LARGE1: variants seen among roughly 807,000 people sequenced by gnomAD.
LARGE1 encodes the protein LARGE xylosyl- and glucuronyltransferase 1.
LARGE1 carries 43 observed loss-of-function variants against 87.6 expected under a neutral mutation model. That is an observed-to-expected ratio of 0.49 (90% CI 0.38 to 0.63). The LOEUF (loss-of-function observed/expected upper bound fraction) is 0.63, where lower values mean the gene tolerates loss of function less well. Ranked by LOEUF, LARGE1 falls within the 30% of genes least tolerant of loss-of-function variation. The pLI is 0.00. For synonymous variants in LARGE1, 434 were observed against 394.6 expected, an observed-to-expected ratio of 1.10 and a Z score of -1.18; for missense variants, 802 against 1,000.2, an observed-to-expected ratio of 0.80 and a Z score of 2.67.
intron 1 of LARGE1, among the ~76,000 whole-genome samples, chr22:33,800,464 A>T (rs1265325022): frequency 3.3e-5 from 5 of 152,204 alleles, no homozygotes; most frequent in African/African-American, 1.2e-4. Context: ...ATATTATCAC[A>T]TGTACAGATT....
chr22:33,567,422 T>C (rs890583260), intron 5 of LARGE1, among the ~76,000 whole-genome samples: 1 of 152,126 alleles, frequency 6.6e-6, no homozygotes, highest in Non-Finnish European at 1.5e-5. Context: ...AGTGCCTCTT[T>C]TGGTGCTTCC....
chr22:33,379,675 C>T (rs550294328), intron 9 of LARGE1, among the ~76,000 whole-genome samples: 1 of 152,212 alleles, frequency 6.6e-6, no homozygotes, highest in African/African-American at 2.4e-5. Context: ...AAGCTGGAAA[C>T]CATCATTCTG....
chr22:33,906,117 G>A (rs903089509), intron 1 of LARGE1, among the ~76,000 whole-genome samples: 1 of 152,022 alleles, frequency 6.6e-6, no homozygotes, highest in Non-Finnish European at 1.5e-5. Flanking sequence ...GCAACGGAGC[G>A]AGACTCTGTC....
At chr22:33,910,447 A>G (rs1487829377) in intron 1 of LARGE1, among the ~76,000 whole-genome samples, 1 of 152,140 alleles carries the variant, frequency 6.6e-6, no homozygotes, top group Non-Finnish European at 1.5e-5. Context: ...CCCATCTCCT[A>G]ATCACTAAGA....
At chr22:33,384,135 G>T in intron 8 of LARGE1, 57 bp downstream of exon 8, 1 of 1,212,370 alleles carries the variant, frequency 8.2e-7, no homozygotes, top group Non-Finnish European at 1.2e-6. Flanking sequence ...AAGTTTCTTT[G>T]AGAAACAGCA....
chr22:33,116,031 G>A, the LARGE1 span, among the ~76,000 whole-genome samples: 110 of 152,082 alleles, frequency 7.2e-4, 1 homozygote, highest in South Asian at 1.5e-3. Context: ...ATTTTGTTAC[G>A]GCATCCCTAG....
At chr22:33,146,345 T>C in the LARGE1 span, among the ~76,000 whole-genome samples, 1 of 152,224 alleles carries the variant, frequency 6.6e-6, no homozygotes, top group Non-Finnish European at 1.5e-5. Context: ...ACCTAATTTC[T>C]ATTCTAGCTA....
intron 11 of LARGE1, among the ~76,000 whole-genome samples, chr22:33,260,637 G>A (rs904301977): frequency 3.9e-5 from 6 of 152,286 alleles, no homozygotes; most frequent in East Asian, 3.9e-4. Context: ...ACCCACATTC[G>A]TTGCCTTCAG....
chr22:33,517,983 C>T, intron 6 of LARGE1, among the ~76,000 whole-genome samples: 1 of 152,206 alleles, frequency 6.6e-6, no homozygotes, highest in East Asian at 1.9e-4. Flanking sequence ...ACTCTCCTTG[C>T]TGTCGTTAGA....
chr22:33,759,621 G>A (rs1489811175), intron 2 of LARGE1, among the ~76,000 whole-genome samples: 1 of 152,200 alleles, frequency 6.6e-6, no homozygotes, highest in Non-Finnish European at 1.5e-5. Context: ...TGTGATGACA[G>A]AATCACAGTG....
At chr22:33,352,301 C>T (rs981457029) in intron 9 of LARGE1, among the ~76,000 whole-genome samples, 4 of 151,906 alleles carry the variant, frequency 2.6e-5, no homozygotes, top group African/African-American at 7.3e-5. Flanking sequence ...AGGTCAGTCA[C>T]GAAAAACCAG....
rs200759315 is a variant in LARGE1 at position 33,826,852 on chromosome 22, T to TA, written c.-82-65295dup. Among the ~76,000 whole-genome samples the TA allele has an allele frequency of 9.1e-3, 1,376 of 151,358 alleles. 14 individuals are homozygous for TA. The highest frequency in any genetic ancestry group is 0.032 in the African/African-American group (1,303 of 41,244). ...CTTAACTCATTTTTTAAAAAAACAA[T>TA]AAAAAAAAATTTAACCCTTTAAAAC... On this transcript the variant is annotated intron_variant, in intron 1 of 14. Transcript: ENST00000397394.
chr22:33,671,746 G>A (rs1168032850), intron 2 of LARGE1, among the ~76,000 whole-genome samples: 2 of 152,136 alleles, frequency 1.3e-5, no homozygotes, highest in Non-Finnish European at 2.9e-5. Context: ...TCTATGCCTA[G>A]TGTTCCATTA....
At chr22:33,918,922 C>CCT (rs57460313) in intron 1 of LARGE1, among the ~76,000 whole-genome samples, 5 of 149,186 alleles carry the variant, frequency 3.4e-5, no homozygotes, top group African/African-American at 5.0e-5. Flanking sequence ...CCCACTCCCT[C>CCT]CTCTCTCTCT....
At chr22:33,544,781 G>A (rs1489711495) in intron 6 of LARGE1, among the ~76,000 whole-genome samples, 4 of 152,170 alleles carry the variant, frequency 2.6e-5, no homozygotes, top group Non-Finnish European at 5.9e-5. Flanking sequence ...GATTGGTTCA[G>A]CTTGGGTCAC....
chr22:33,880,719 G>A (rs2064653672), intron 1 of LARGE1, among the ~76,000 whole-genome samples: 1 of 152,080 alleles, frequency 6.6e-6, no homozygotes, highest in Non-Finnish European at 1.5e-5. Flanking sequence ...CTTCAACTAG[G>A]TGTTGCTTTA....
chr22:33,232,496 C>A (rs914318695), intron 11 of LARGE1, among the ~76,000 whole-genome samples: 1 of 152,176 alleles, frequency 6.6e-6, no homozygotes, highest in Non-Finnish European at 1.5e-5. Context: ...AAAATATGAC[C>A]AAGATAAAAC....
intron 6 of LARGE1, among the ~76,000 whole-genome samples, chr22:33,496,588 T>C (rs930273874): frequency 2.0e-5 from 3 of 152,158 alleles, no homozygotes; most frequent in African/African-American, 7.2e-5. Flanking sequence ...AATAAATTTC[T>C]GTTTATGACC....
intron 6 of LARGE1, among the ~76,000 whole-genome samples, chr22:33,548,710 C>T (rs540907553): frequency 1.3e-5 from 2 of 152,294 alleles, no homozygotes; most frequent in East Asian, 1.9e-4. Context: ...CCATCATACC[C>T]GGCTCAGGTA....
Sources: allele counts gnomAD v4.1 joint callset (sites outside exome capture counted in the v4.1 genomes callset), GRCh38; gene constraint gnomAD v4.1.1; transcripts MANE v1.5; gene names NCBI Gene and HGNC (gene_info 2026-07-23, HGNC 2026-07-21).